ULK4: variants seen among roughly 807,000 people sequenced by gnomAD.
ULK4 encodes the protein inactive serine/threonine-protein kinase ULK4.
A neutral mutation model predicts 160.6 loss-of-function variants in ULK4; 133 were observed. That is an observed-to-expected ratio of 0.83 (90% CI 0.72 to 0.96). The LOEUF (loss-of-function observed/expected upper bound fraction) is 0.96, where lower values mean the gene tolerates loss of function less well. ULK4 is among the 40% of genes least tolerant of loss of function. The pLI is 0.00. For missense variants in ULK4, 1,580 were observed against 1,499.5 expected (o/e 1.05, Z -0.89); for synonymous variants, 534 against 539.8 (o/e 0.99, Z 0.15).
chr3:41,792,470 T>G (rs1305870799), intron 20 of ULK4, among the ~76,000 whole-genome samples: 1 of 152,104 alleles, frequency 6.6e-6, no homozygotes, highest in Non-Finnish European at 1.5e-5. Flanking sequence ...TCTAGCAAAT[T>G]AGGATTCAAT....
At chr3:41,652,137 A>G (rs2034768199) in intron 30 of ULK4, among the ~76,000 whole-genome samples, 2 of 152,234 alleles carry the variant, frequency 1.3e-5, no homozygotes, top group African/African-American at 4.8e-5. Context: ...TGAAATGTTT[A>G]CTGAATTATC....
At chr3:41,272,996 T>C (rs1382673900) in intron 35 of ULK4, among the ~76,000 whole-genome samples, 1 of 152,236 alleles carries the variant, frequency 6.6e-6, no homozygotes, top group Non-Finnish European at 1.5e-5. Context: ...ACTTTTAACA[T>C]CCTTGCCTGC....
chr3:41,911,114 T>C (rs1443660776), intron 11 of ULK4, among the ~76,000 whole-genome samples: 1 of 152,212 alleles, frequency 6.6e-6, no homozygotes, highest in African/African-American at 2.4e-5. Context: ...TTAAAAATTT[T>C]CAAAAATCCT....
intron 33 of ULK4, among the ~76,000 whole-genome samples, chr3:41,460,033 G>A (rs971491552): frequency 5.3e-5 from 8 of 152,164 alleles, no homozygotes; most frequent in Admixed American, 2.6e-4. Context: ...GAAGGCCAAC[G>A]AGGGGAAGGC....
chr3:41,643,673 A>C (rs1301774255), intron 30 of ULK4, among the ~76,000 whole-genome samples: 2 of 151,984 alleles, frequency 1.3e-5, no homozygotes, highest in Non-Finnish European at 2.9e-5. Flanking sequence ...TCGGTGATGC[A>C]GGCTCTTTTT....
intron 22 of ULK4, among the ~76,000 whole-genome samples, chr3:41,732,698 G>A (rs138798274): frequency 2.2e-3 from 333 of 152,146 alleles, no homozygotes; most frequent in Admixed American, 0.014. Flanking sequence ...TTCACAATAA[G>A]CAAAGATACG....
intron 1 of ULK4, among the ~76,000 whole-genome samples, chr3:41,956,497 G>C (rs531114980): frequency 2.0e-5 from 3 of 152,248 alleles, no homozygotes; most frequent in Non-Finnish European, 2.9e-5. Flanking sequence ...AAAATGCCAA[G>C]AACCTGGACA....
chr3:41,339,329 A>G (rs2080632668), intron 35 of ULK4, among the ~76,000 whole-genome samples: 1 of 152,128 alleles, frequency 6.6e-6, no homozygotes, highest in Non-Finnish European at 1.5e-5. Flanking sequence ...CTGGGGATTT[A>G]CATCCCACAC....
At chr3:41,265,909 T>G (rs1027819294) in intron 35 of ULK4, among the ~76,000 whole-genome samples, 2 of 152,196 alleles carry the variant, frequency 1.3e-5, no homozygotes, top group African/African-American at 4.8e-5. Flanking sequence ...AGTAGCTATG[T>G]GTGTGGTAGG....
intron 32 of ULK4, among the ~76,000 whole-genome samples, chr3:41,556,487 C>CTTT (rs34888775): frequency 0.4 from 47,116 of 116,792 alleles, 11,260 homozygotes; most frequent in Non-Finnish European, 0.49. Flanking sequence ...CTCTACCAAA[C>CTTT]TTTTTTTTTT....
At chr3:41,432,606 A>G (rs1017846638) in intron 34 of ULK4, among the ~76,000 whole-genome samples, 12 of 152,172 alleles carry the variant, frequency 7.9e-5, no homozygotes, top group Non-Finnish European at 1.6e-4. Context: ...GGTCAAGGAG[A>G]TGATATTTTC....
intron 22 of ULK4, among the ~76,000 whole-genome samples, chr3:41,734,709 G>C (rs999342482): frequency 1.3e-5 from 2 of 152,182 alleles, no homozygotes; most frequent in African/African-American, 4.8e-5. Flanking sequence ...ATAAACTCCA[G>C]TTTAAATTCC....
At position 41,912,792 on chromosome 3, in the gene ULK4, G is replaced by A; in HGVS notation, c.896+15C>T. 1.2e-6 allele frequency: 2 copies of A among 1,604,360 alleles called. No homozygotes were observed. Among genetic ancestry groups the A allele is most frequent in the Non-Finnish European group, 1.7e-6 (2 of 1,171,156 alleles). Reference sequence around the variant, plus strand: ...CAGTAACTATGTCCCATACACAAAGGTAAGTGTATACTACCTGAGACTGAG... The same window carrying A: ...CAGTAACTATGTCCCATACACAAAGATAAGTGTATACTACCTGAGACTGAG... On this transcript the variant is annotated intron_variant, in intron 9 of 36. Transcript: ENST00000301831.
chr3:41,311,624 A>AC (rs2080050698), intron 35 of ULK4, among the ~76,000 whole-genome samples: 2 of 152,070 alleles, frequency 1.3e-5, no homozygotes, highest in Non-Finnish European at 2.9e-5. Context: ...GCTGGAGTGC[A>AC]GTGGTGCAAT....
At chr3:41,922,171 T>C (rs1699208215) in intron 5 of ULK4, among the ~76,000 whole-genome samples, 2 of 151,708 alleles carry the variant, frequency 1.3e-5, no homozygotes, top group African/African-American at 4.8e-5. Flanking sequence ...TAGTTAAAAA[T>C]AAAATAAGAA....
At chr3:41,946,731 T>C (rs1700123686) in intron 2 of ULK4, among the ~76,000 whole-genome samples, 1 of 152,202 alleles carries the variant, frequency 6.6e-6, no homozygotes, top group African/African-American at 2.4e-5. Context: ...TGAGATAGTT[T>C]CTCTGTTGTG....
At chr3:41,447,616 A>C (rs1443955434) in intron 34 of ULK4, among the ~76,000 whole-genome samples, 1 of 152,166 alleles carries the variant, frequency 6.6e-6, no homozygotes, top group Non-Finnish European at 1.5e-5. Context: ...CTGTTAGAAA[A>C]GGGTAATGAT....
intron 17 of ULK4, among the ~76,000 whole-genome samples, chr3:41,851,095 C>A (rs2042202113): frequency 6.6e-6 from 1 of 152,130 alleles, no homozygotes; most frequent in Non-Finnish European, 1.5e-5. Flanking sequence ...TTGCCCTTGC[C>A]AGAATTTCCA....
At chr3:41,692,497 TAC>T (rs1343896448) in intron 27 of ULK4, among the ~76,000 whole-genome samples, 1 of 151,474 alleles carries the variant, frequency 6.6e-6, no homozygotes, top group African/African-American at 2.4e-5. Flanking sequence ...TTTATACATA[TAC>T]GTTATATATT....
Sources: gnomAD v4.1 joint callset for allele counts (sites outside exome capture counted in the v4.1 genomes callset) on GRCh38, gnomAD v4.1.1 for gene constraint, MANE v1.5 for transcripts, NCBI Gene and HGNC (gene_info 2026-07-23, HGNC 2026-07-21) for gene names.